The following CLTCL1 variants were observed in gnomAD, a reference collection of about 807,000 sequenced individuals.
CLTCL1 encodes clathrin heavy chain like 1.
CLTCL1 carries 159 observed loss-of-function variants against 190.0 expected under a neutral mutation model. The observed-to-expected ratio is 0.84, with a 90% confidence interval of 0.74 to 0.95. CLTCL1 has a LOEUF of 0.95. Ranked by LOEUF, CLTCL1 falls within the 40% of genes least tolerant of loss-of-function variation. CLTCL1 has a pLI of 0.00. For synonymous variants in CLTCL1, 752 were observed against 769.6 expected (o/e 0.98, Z 0.38); for missense variants, 1,878 against 2,033.4 (o/e 0.92, Z 1.47).
At chr22:19,290,801 C>G (rs2088084506) in intron 1 of CLTCL1, among the ~76,000 whole-genome samples, 1 of 152,236 alleles carries the variant, frequency 6.6e-6, no homozygotes, top group Non-Finnish European at 1.5e-5. Context: ...TTCTTTAACA[C>G]TTTTGAGACT....
chr22:19,222,063 C>T lies in CLTCL1; in HGVS notation c.2449G>A (p.Gly817Arg). 1 of 1,614,008 alleles carries T rather than the reference C, an allele frequency of 6.2e-7. No homozygotes were observed. The highest frequency in any genetic ancestry group is 8.5e-7 in the Non-Finnish European group (1 of 1,179,890). ...VNPSRTPAVI[G>R]GLLDVDCSEE... ...GAACAATCCACATCAAGCAGCCCTC[C>T]AATCACAGCTGGGGTCCGGCTAGGG... The change falls in exon 16 of 33, where the codon GGA becomes AGA. Residue 817 changes from glycine (G) to arginine (R), a missense_variant. Physicochemically the swap from Gly to Arg is moderately radical, Grantham distance 125. Coordinates refer to ENST00000427926, the MANE Select transcript of CLTCL1 (RefSeq NM_007098.4).
Position 19,226,237 on chromosome 22 carries a change from A to G in CLTCL1, c.1929T>C (p.Thr643=). The change falls in exon 12 of 33, where the codon ACT becomes ACC. Residue 643 remains threonine (T), a synonymous_variant. Coordinates refer to ENST00000427926, the MANE Select transcript of CLTCL1 (RefSeq NM_007098.4). ...LYDIKRAVVH[T]HLLNPEWLVN... The stretch of plus-strand genomic sequence containing the variant: ...ACAGTACCTCGGGATTGAGGAGGTG[A>G]GTGTGGACCACAGCCCTCTTGATGT... The G allele has an allele frequency of 6.2e-7, 1 of 1,613,898 alleles. No individual in the cohort carries two copies.
At chr22:19,182,508 G>T (rs1328263574) in intron 30 of CLTCL1, 1 of 152,250 alleles carries the variant, frequency 6.6e-6, no homozygotes, top group Non-Finnish European at 1.5e-5. Flanking sequence ...AATGGACTCT[G>T]GGATGGCCTT....
rs1771548 is a variant in CLTCL1 at position 19,193,787 on chromosome 22, T to A, written c.4192-2352A>T. Among the ~76,000 whole-genome samples the A allele has an allele frequency of 9.3e-3, 1,419 of 152,312 alleles. 16 individuals are homozygous for A. Among genetic ancestry groups the A allele is most frequent in the Middle Eastern group, 0.027 (8 of 294 alleles). ...TTGTTCCTTCAGATGTTGAGAGGTG[T>A]GAGTTTCTTCCTTCTGGTGGGTTCG... On this transcript the variant is annotated intron_variant, in intron 26 of 32. Coordinates refer to ENST00000427926, the MANE Select transcript of CLTCL1 (RefSeq NM_007098.4).
chr22:19,213,546 G>A (rs2085295908), intron 19 of CLTCL1, among the ~76,000 whole-genome samples: 1 of 152,178 alleles, frequency 6.6e-6, no homozygotes, highest in Non-Finnish European at 1.5e-5. Flanking sequence ...TTTGATGGGT[G>A]AAGAGATCCT....
In CLTCL1 at chr22:19,196,471, G is replaced by A; in HGVS notation, c.4041+18C>T. On this transcript the variant is annotated intron_variant, in intron 25 of 32. Coordinates refer to ENST00000427926, the MANE Select transcript of CLTCL1 (RefSeq NM_007098.4). ...TGCACGTGGCCACGGCTGCCAGACT[G>A]CAAGGAGTACACGGTACCTTTGGGA... The A allele has an allele frequency of 6.2e-7, 1 of 1,613,982 alleles. No individual in the cohort carries two copies. The highest frequency in any genetic ancestry group is 8.5e-7 in the Non-Finnish European group (1 of 1,179,828).
chr22:19,195,729 A>G (rs1601473983), intron 26 of CLTCL1, among the ~76,000 whole-genome samples: 1 of 152,044 alleles, frequency 6.6e-6, no homozygotes, highest in African/African-American at 2.4e-5. Flanking sequence ...TGGCACCCAA[A>G]CCCGACACCA....
At chr22:19,184,392 A>G in intron 29 of CLTCL1, 1 of 444,730 alleles carries the variant, frequency 2.2e-6, no homozygotes, top group South Asian at 1.6e-5. Context: ...CCTGCAGCAC[A>G]CACCTCTGAG....
chr22:19,200,459 A>G (rs1304958254), intron 23 of CLTCL1, among the ~76,000 whole-genome samples: 1 of 152,220 alleles, frequency 6.6e-6, no homozygotes, highest in Non-Finnish European at 1.5e-5. Flanking sequence ...GCATGATGAT[A>G]TATTCCTCGC....
At chr22:19,253,067 GAATAT>G (rs2086646737) in intron 3 of CLTCL1, among the ~76,000 whole-genome samples, 1 of 148,676 alleles carries the variant, frequency 6.7e-6, no homozygotes, top group South Asian at 2.1e-4. Flanking sequence ...CAGTATAATA[GAATAT>G]GAGTTAGTAA....
In CLTCL1 at chr22:19,233,405, C is replaced by A; in HGVS notation, c.1368+17G>T. Reference sequence around the variant, plus strand: ...TCAAGCTGTGCGGGGGGGCTACGAGCTCACAAGTGTTTCTACCTTATCTTC... The same window carrying A: ...TCAAGCTGTGCGGGGGGGCTACGAGATCACAAGTGTTTCTACCTTATCTTC... On this transcript the variant is annotated intron_variant, in intron 8 of 32. Coordinates refer to ENST00000427926, the MANE Select transcript of CLTCL1 (RefSeq NM_007098.4). The A allele has an allele frequency of 6.2e-7, 1 of 1,613,494 alleles. No individual in the cohort carries two copies. Among genetic ancestry groups the A allele is most frequent in the Non-Finnish European group, 8.5e-7 (1 of 1,179,600 alleles).
intron 31 of CLTCL1, among the ~76,000 whole-genome samples, 197 bp from the exon 32 acceptor site, chr22:19,180,435 G>A (rs1329202192): frequency 6.6e-6 from 1 of 152,140 alleles, no homozygotes; most frequent in Non-Finnish European, 1.5e-5. Context: ...GCCCCTCCCA[G>A]CACACACCAG....
chr22:19,239,710 TC>T (rs1181631759), intron 4 of CLTCL1, among the ~76,000 whole-genome samples: 2 of 152,172 alleles, frequency 1.3e-5, no homozygotes, highest in Non-Finnish European at 2.9e-5. Flanking sequence ...TGCTGTCCCT[TC>T]CAACTCTGCT....
chr22:19,240,274 C>A (rs2086212492), intron 4 of CLTCL1, among the ~76,000 whole-genome samples: 1 of 152,016 alleles, frequency 6.6e-6, no homozygotes, highest in African/African-American at 2.4e-5. Context: ...CCATAACTTT[C>A]ATCTAAAGAA....
chr22:19,254,700 T>C (rs943719302), intron 2 of CLTCL1, among the ~76,000 whole-genome samples: 3 of 152,260 alleles, frequency 2.0e-5, no homozygotes, highest in African/African-American at 7.2e-5. Flanking sequence ...TGGAATTTTC[T>C]ACAATGTTGG....
At chr22:19,207,341 T>C (rs2146367787) in intron 22 of CLTCL1, among the ~76,000 whole-genome samples, 1 of 152,308 alleles carries the variant, frequency 6.6e-6, no homozygotes, top group East Asian at 1.9e-4. Flanking sequence ...ATATATTTTA[T>C]GCATCCAGAT....
In CLTCL1 at chr22:19,217,594, T is replaced by C. The variant is rs573947602; in HGVS notation, c.2920-1338A>G. Among the ~76,000 whole-genome samples the C allele has an allele frequency of 7.8e-5, 8 of 102,324 alleles. No individual in the cohort carries two copies. The East Asian group carries it at 1.9e-3, about 25-fold the overall frequency. 67.1% of individuals were successfully genotyped at this position (102,324 alleles called of 152,430 possible). On this transcript the variant is annotated intron_variant, in intron 18 of 32. Transcript: ENST00000427926. Reference sequence around the variant, plus strand: ...TCGCGCCACTGTACTCCAGCCTGAGTGACAAAGTAAGACTCTGTCTCAAAA... The same window carrying C: ...TCGCGCCACTGTACTCCAGCCTGAGCGACAAAGTAAGACTCTGTCTCAAAA...
intron 3 of CLTCL1, among the ~76,000 whole-genome samples, chr22:19,252,957 T>C (rs2086640590): frequency 7.2e-6 from 1 of 139,198 alleles, no homozygotes; most frequent in African/African-American, 2.7e-5. Context: ...GAGCTTGCAG[T>C]GAGCCGAGAT....
At chr22:19,275,556 A>G in intron 2 of CLTCL1, 67 bp downstream of exon 2, 1 of 1,446,050 alleles carries the variant, frequency 6.9e-7, no homozygotes, top group Non-Finnish European at 9.5e-7. Context: ...ACACTTGTTC[A>G]ATATTTAAGG....
Sources: gnomAD v4.1 joint callset for allele counts (sites outside exome capture counted in the v4.1 genomes callset) on GRCh38, gnomAD v4.1.1 for gene constraint, MANE v1.5 for transcripts, NCBI Gene and HGNC (gene_info 2026-07-23, HGNC 2026-07-21) for gene names.